The following ELOVL6 variants were observed in gnomAD, a reference collection of about 807,000 sequenced individuals.
The protein encoded by ELOVL6 is very long chain fatty acid elongase 6.
A neutral mutation model predicts 31.7 loss-of-function variants in ELOVL6; 8 were observed. The observed-to-expected ratio is 0.25, with a 90% CI of 0.15 to 0.45. The LOEUF (loss-of-function observed/expected upper bound fraction) is 0.45. Among genes scored for constraint, ELOVL6 ranks in the 20% least tolerant of loss-of-function variants. ELOVL6 has a pLI of 1.00. For synonymous variants in ELOVL6, 101 were observed against 117.7 expected (o/e 0.86, Z 0.92); for missense variants, 126 against 326.4 (o/e 0.39, Z 4.73).
intron 1 of ELOVL6, among the ~76,000 whole-genome samples, chr4:110,168,319 G>A (rs895197215): frequency 7.2e-5 from 11 of 151,928 alleles, no homozygotes; most frequent in African/African-American, 2.2e-4. Flanking sequence ...GTTCGAGACC[G>A]GCTTGGGCAA....
At chr4:110,088,300 C>A (rs1756326996) in intron 2 of ELOVL6, among the ~76,000 whole-genome samples, 1 of 152,124 alleles carries the variant, frequency 6.6e-6, no homozygotes, top group South Asian at 2.1e-4. Flanking sequence ...CAGATAACCC[C>A]AAGTGAAAAC....
chr4:110,085,029 G>C (rs565618614), intron 2 of ELOVL6, among the ~76,000 whole-genome samples: 95 of 152,300 alleles, frequency 6.2e-4, no homozygotes, highest in Non-Finnish European at 1.0e-3. Context: ...TATTGATTAA[G>C]TTGTGGTAGA....
At chr4:110,173,438 T>C (rs776944969) in intron 1 of ELOVL6, among the ~76,000 whole-genome samples, 20 of 151,992 alleles carry the variant, frequency 1.3e-4, no homozygotes, top group South Asian at 6.3e-4. Flanking sequence ...TCATCTAAAA[T>C]TGTATTAGAC....
intron 1 of ELOVL6, among the ~76,000 whole-genome samples, chr4:110,172,094 C>T (rs1288648712): frequency 6.6e-6 from 1 of 152,124 alleles, no homozygotes; most frequent in Non-Finnish European, 1.5e-5. Flanking sequence ...AACTTGAAGC[C>T]ACTCAGAGGT....
intron 1 of ELOVL6, among the ~76,000 whole-genome samples, chr4:110,170,714 G>C (rs1048048033): frequency 2.0e-5 from 3 of 152,160 alleles, no homozygotes; most frequent in Non-Finnish European, 2.9e-5. Flanking sequence ...AAACACGTTA[G>C]ATTAGCTTAG....
chr4:110,101,984 T>C (rs1454521558), intron 2 of ELOVL6, among the ~76,000 whole-genome samples: 4 of 152,222 alleles, frequency 2.6e-5, no homozygotes, highest in Non-Finnish European at 5.9e-5. Flanking sequence ...TATTTTCTTC[T>C]AGTATCTCTA....
intron 1 of ELOVL6, among the ~76,000 whole-genome samples, chr4:110,124,558 A>G (rs958783713): frequency 4.6e-5 from 7 of 152,248 alleles, no homozygotes; most frequent in Middle Eastern, 3.4e-3. Context: ...CCTGTGGTAC[A>G]GGGAGTTAGG....
At chr4:110,190,629 G>A (rs905670941) in intron 1 of ELOVL6, among the ~76,000 whole-genome samples, 2 of 151,892 alleles carry the variant, frequency 1.3e-5, no homozygotes, top group Non-Finnish European at 2.9e-5. Flanking sequence ...CTCAGCCCCT[G>A]GAGTAGCTGG....
chr4:110,062,925 A>G (rs1327978608), intron 2 of ELOVL6, among the ~76,000 whole-genome samples: 1 of 152,190 alleles, frequency 6.6e-6, no homozygotes, highest in African/African-American at 2.4e-5. Context: ...CATCGTATGA[A>G]TTTTTTGAAG....
intron 1 of ELOVL6, among the ~76,000 whole-genome samples, chr4:110,108,479 C>T (rs10018930): frequency 2.0e-5 from 3 of 151,982 alleles, no homozygotes; most frequent in Non-Finnish European, 4.4e-5. Context: ...CCAGCAAGGG[C>T]CATTCACTTT....
chr4:110,146,642 G>C (rs4146695), intron 1 of ELOVL6: 78,517 of 152,228 alleles, frequency 0.52, 21,802 homozygotes, highest in East Asian at 0.65. Flanking sequence ...AGTGGAACTA[G>C]ACAAAGTCAG....
At chr4:110,081,100 G>A (rs866161010) in intron 2 of ELOVL6, among the ~76,000 whole-genome samples, 1 of 152,036 alleles carries the variant, frequency 6.6e-6, no homozygotes, top group South Asian at 2.1e-4. Flanking sequence ...AGAGGATACA[G>A]ACAAATGGAA....
In ELOVL6 at chr4:110,093,354, T is replaced by C. The variant is rs77162192; in HGVS notation, c.221+12143A>G. On this transcript the variant is annotated intron_variant, in intron 2 of 3. Coordinates refer to ENST00000302274, the MANE Select transcript of ELOVL6 (RefSeq NM_024090.3). The stretch of plus-strand genomic sequence containing the variant: ...TTGATGCAGAGAATCCTATCTTTTA[T>C]AAATAGAAAGGAAAATTACTTAATC... Among the ~76,000 whole-genome samples, 675 of 152,324 alleles carry C rather than the reference T, an allele frequency of 4.4e-3. 3 individuals are homozygous for C. The highest frequency in any genetic ancestry group is 0.015 in the African/African-American group (622 of 41,584).
At chr4:110,136,568 G>A (rs1404042965) in intron 1 of ELOVL6, among the ~76,000 whole-genome samples, 12 of 152,118 alleles carry the variant, frequency 7.9e-5, no homozygotes, top group Admixed American at 5.9e-4. Flanking sequence ...TGGCTATGAA[G>A]ATTTTCTTTA....
chr4:110,045,859 C>A lies in ELOVL6; in HGVS notation c.*5479G>T, dbSNP rs1754687549. The A allele has an allele frequency of 6.6e-6, 1 of 152,056 alleles. No individual in the cohort carries two copies. Among genetic ancestry groups the A allele is most frequent in the African/African-American group, 2.4e-5 (1 of 41,396 alleles). 9.4% of individuals were successfully genotyped at this position (152,056 alleles called of 1,614,324 possible). On this transcript the variant is annotated 3_prime_UTR_variant, in exon 4 of 4. Transcript: ENST00000302274. ...ACAGAAACACAGTTTGATTTTAAAT[C>A]AAAAGTTATGATTTTATTTTTAATT...
chr4:110,092,847 C>T (rs1439683912), intron 2 of ELOVL6, among the ~76,000 whole-genome samples: 3 of 152,076 alleles, frequency 2.0e-5, no homozygotes, highest in Non-Finnish European at 1.5e-5. Flanking sequence ...CCCTGCCAAA[C>T]AAGGATCTGT....
At chr4:110,166,700 T>C (rs1758788855) in intron 1 of ELOVL6, among the ~76,000 whole-genome samples, 1 of 152,220 alleles carries the variant, frequency 6.6e-6, no homozygotes, top group Non-Finnish European at 1.5e-5. Flanking sequence ...TGGTCAGCCC[T>C]CATGGTTAGC....
chr4:110,144,646 C>T (rs1060427), intron 1 of ELOVL6, among the ~76,000 whole-genome samples: 109,679 of 151,914 alleles, frequency 0.72, 40,086 homozygotes, highest in East Asian at 0.79. Flanking sequence ...ATCTGACAGA[C>T]GGCATCATAA....
At chr4:110,195,369 C>T (rs1236936501) in intron 1 of ELOVL6, among the ~76,000 whole-genome samples, 1 of 152,080 alleles carries the variant, frequency 6.6e-6, no homozygotes, top group Admixed American at 6.6e-5. Flanking sequence ...ATCCACCCAC[C>T]TCAGCCTCCC....
Sources: allele counts gnomAD v4.1 joint callset (sites outside exome capture counted in the v4.1 genomes callset), GRCh38; gene constraint gnomAD v4.1.1; transcripts MANE v1.5; gene names NCBI Gene and HGNC (gene_info 2026-07-23, HGNC 2026-07-21).